The following KIF7 variants were observed in gnomAD, a reference collection of about 807,000 sequenced individuals.
The protein encoded by KIF7 is kinesin family member 7.
KIF7 carries 104 observed loss-of-function variants against 135.7 expected under a neutral mutation model. The ratio of observed to expected loss-of-function variants is 0.77; its 90% CI spans 0.65 to 0.90. KIF7 has a LOEUF of 0.90. Ranked by LOEUF, KIF7 falls within the 40% of genes least tolerant of loss-of-function variation. The probability of loss-of-function intolerance (pLI) is 0.00; values close to 1 mark genes in which losing one functional copy is unlikely to be tolerated. For synonymous variants in KIF7, 883 were observed against 809.4 expected (o/e 1.09, Z -1.54); for missense variants, 2,005 against 1,839.1 (o/e 1.09, Z -1.65).
At chr15:89,658,077 A>C (rs75677798), upstream of KIF7, among the ~76,000 whole-genome samples, 1 of 152,234 alleles carries the variant, frequency 6.6e-6, no homozygotes, top group African/African-American at 2.4e-5. Context: ...TCCATTGTTC[A>C]TCAGATATCA....
In KIF7 at chr15:89,647,713, CT is replaced by C; in HGVS notation, c.1444-2del. ...GCAGCTGCTGCGCCCCCTCATCCTCCTATAGGGCAGGGAGAGGGGCTTCAGG... is the reference window on the plus strand; with the variant it reads ...GCAGCTGCTGCGCCCCCTCATCCTCCATAGGGCAGGGAGAGGGGCTTCAGG... On this transcript the variant is annotated splice_acceptor_variant, in intron 5 of 18. Transcript: ENST00000394412. LOFTEE classifies it high-confidence loss of function. 1 of 1,564,046 alleles carries C rather than the reference CT, an allele frequency of 6.4e-7. No homozygotes were observed. The highest frequency in any genetic ancestry group is 1.2e-5 in the South Asian group (1 of 85,756).
chr15:89,619,736 C>A (rs368446871), intron 1 of KIF7: 6 of 1,612,870 alleles, frequency 3.7e-6, no homozygotes, highest in Non-Finnish European at 5.1e-6. Context: ...GTCCTCGAAT[C>A]AAGCAGTTGT....
intron 11 of KIF7, among the ~76,000 whole-genome samples, chr15:89,639,831 A>G (rs1963884237): frequency 6.6e-6 from 1 of 152,084 alleles, no homozygotes; most frequent in Non-Finnish European, 1.5e-5. Flanking sequence ...AGCTATAAAG[A>G]CACATGCACA....
At chr15:89,656,249 G>C (rs749932771), upstream of KIF7, among the ~76,000 whole-genome samples, 2 of 152,034 alleles carry the variant, frequency 1.3e-5, no homozygotes, top group Non-Finnish European at 2.9e-5. Flanking sequence ...GAAGTGGCTT[G>C]AACCATAAGG....
rs2142001419 is a variant in KIF7 at position 89,633,228 on chromosome 15, C to T, written c.2631G>A (p.Leu877=). Residue 877 remains leucine (L), a synonymous_variant, in exon 13 of 19, where the codon CTG becomes CTA. Coordinates refer to ENST00000394412, the MANE Select transcript of KIF7 (RefSeq NM_198525.3). ...ELKHEQQQKI[L]KIKTEEIAAF... is the part of the protein sequence containing the mutation. ...CCGCGATCTCTTCCGTCTTAATCTT[C>T]AGGATCTTCTGCTGTTGCTCATGCT... is the stretch of plus-strand genomic sequence containing the variant. 2 of 1,589,528 alleles carry T rather than the reference C, an allele frequency of 1.3e-6. No homozygotes were observed. The highest frequency in any genetic ancestry group is 1.1e-5 in the South Asian group (1 of 88,006).
At chr15:89,653,836 G>A (rs1298716438) in intron 1 of KIF7, among the ~76,000 whole-genome samples, 1 of 151,640 alleles carries the variant, frequency 6.6e-6, no homozygotes, top group Non-Finnish European at 1.5e-5. Flanking sequence ...TTGAACTCCT[G>A]GGCTCAAGGG....
chr15:89,645,205 C>T (rs1963990566), intron 9 of KIF7, 40 bp from the exon 10 acceptor site: 1 of 1,606,154 alleles, frequency 6.2e-7, no homozygotes, highest in Non-Finnish European at 8.5e-7. Flanking sequence ...CCCCAACTGA[C>T]AGTGGGGGAG....
chr15:89,641,561 G>GTA (rs1014425017), intron 11 of KIF7, among the ~76,000 whole-genome samples: 1 of 152,194 alleles, frequency 6.6e-6, no homozygotes, highest in Admixed American at 6.5e-5. Flanking sequence ...CAGCACTTTG[G>GTA]TAGGCCCAGG....
intron 17 of KIF7, 57 bp from the exon 18 acceptor site, chr15:89,629,179 AGGGCTGTG>A (rs1963609287): frequency 5.3e-6 from 5 of 938,944 alleles, no homozygotes; most frequent in Middle Eastern, 3.6e-4. Context: ...GCAGGCGGCC[AGGGCTGTG>A]GGGGTGGGGG....
intron 10 of KIF7, among the ~76,000 whole-genome samples, chr15:89,643,181 C>G (rs1027222574): frequency 1.4e-4 from 21 of 152,084 alleles, no homozygotes; most frequent in Admixed American, 1.4e-3. Context: ...GGTTCCACAC[C>G]CATGGGTTCA....
chr15:89,644,758 C>T (rs998164611), intron 10 of KIF7, among the ~76,000 whole-genome samples: 2 of 152,200 alleles, frequency 1.3e-5, no homozygotes, highest in South Asian at 2.1e-4. Flanking sequence ...AATTAACTCA[C>T]TTCACCCTCA....
At chr15:89,623,598 C>G (rs778120399), downstream of KIF7, 1 of 1,576,094 alleles carries the variant, frequency 6.3e-7, no homozygotes, top group Admixed American at 1.9e-5. Context: ...TATTCAAGGA[C>G]TGAAATAAGC....
At chr15:89,638,989 C>T (rs1003675771) in intron 11 of KIF7, among the ~76,000 whole-genome samples, 28 of 151,876 alleles carry the variant, frequency 1.8e-4, no homozygotes, top group Middle Eastern at 3.4e-3. Flanking sequence ...GAAATAACGC[C>T]GCATATCTAC....
chr15:89,656,812 G>A (rs1964212010), upstream of KIF7, among the ~76,000 whole-genome samples: 1 of 152,178 alleles, frequency 6.6e-6, no homozygotes, highest in East Asian at 1.9e-4. Flanking sequence ...ACATGCTGTA[G>A]AATGACACTG....
At chr15:89,647,110 A>G in intron 6 of KIF7, 53 bp from the exon 7 acceptor site, 4 of 1,484,196 alleles carry the variant, frequency 2.7e-6, no homozygotes, top group African/African-American at 1.4e-5. Flanking sequence ...GACAGGCAGG[A>G]GTGTAGGAAA....
chr15:89,641,425 CAG>C (rs1963917960), intron 11 of KIF7, among the ~76,000 whole-genome samples: 1 of 152,134 alleles, frequency 6.6e-6, no homozygotes, highest in African/African-American at 2.4e-5. Context: ...CAAACTAAGA[CAG>C]AGAATGCATG....
intron 12 of KIF7, 33 bp downstream of exon 12, chr15:89,633,653 G>A (rs758783242): frequency 1.9e-6 from 3 of 1,599,430 alleles, no homozygotes; most frequent in Non-Finnish European, 1.7e-6. Context: ...TATTGGCCTG[G>A]ACAGAAGGTC....
Position 89,642,227 on chromosome 15 carries a change from G to A in KIF7, c.2370C>T (p.Val790=), listed in dbSNP as rs772086808. The A allele has an allele frequency of 6.2e-6, 10 of 1,610,212 alleles. No individual in the cohort carries two copies. The highest frequency in any genetic ancestry group is 1.7e-5 in the Admixed American group (1 of 59,974). The part of the protein sequence containing the change: ...RSRLQEFRRR[V]AAAQSQVQVL... ...CCTGCACCTGGCTCTGGGCCGCAGC[G>A]ACCCTCCTGCGGAACTCCTGGAGCC... The change falls in exon 11 of 19, where the codon GTC becomes GTT. Residue 790 remains valine (V), a synonymous_variant. Coordinates refer to ENST00000394412, the MANE Select transcript of KIF7 (RefSeq NM_198525.3).
At chr15:89,619,582 C>G (rs1596057355) in intron 1 of KIF7, 1 of 986,138 alleles carries the variant, frequency 1.0e-6, no homozygotes. Context: ...TCTCTTAAAG[C>G]TAATAGCTTG....
Sources: allele counts gnomAD v4.1 joint callset (sites outside exome capture counted in the v4.1 genomes callset), GRCh38; gene constraint gnomAD v4.1.1; transcripts MANE v1.5; gene names NCBI Gene and HGNC (gene_info 2026-07-23, HGNC 2026-07-21).